MAPK1IP1L: variants seen among roughly 807,000 people sequenced by gnomAD.
MAPK1IP1L encodes mitogen-activated protein kinase 1 interacting protein 1 like.
A neutral mutation model predicts 18.1 loss-of-function variants in MAPK1IP1L; 10 were observed. The observed-to-expected ratio is 0.55, with a 90% CI of 0.34 to 0.94. MAPK1IP1L has a LOEUF of 0.94. Ranked by LOEUF, MAPK1IP1L falls within the 40% of genes least tolerant of loss-of-function variation. MAPK1IP1L has a pLI of 0.02. For synonymous variants in MAPK1IP1L, 115 were observed against 117.3 expected, an observed-to-expected ratio of 0.98 and a Z score of 0.13; for missense variants, 260 against 318.2, an observed-to-expected ratio of 0.82 and a Z score of 1.39.
At chr14:55,055,338 A>G (rs2042762814) in intron 1 of MAPK1IP1L, among the ~76,000 whole-genome samples, 1 of 152,100 alleles carries the variant, frequency 6.6e-6, no homozygotes, top group African/African-American at 2.4e-5. Context: ...GTTCATGTCC[A>G]ACTGTTTTTC....
Position 55,062,885 on chromosome 14 carries a change from C to A in MAPK1IP1L, c.286C>A (p.Pro96Thr), listed in dbSNP as rs527838670. The A allele has an allele frequency of 6.2e-7, 1 of 1,614,024 alleles. No homozygotes were observed. The highest frequency in any genetic ancestry group is 8.5e-7 in the Non-Finnish European group (1 of 1,180,006). ...APFPPSGPSC[P>T]PPGGPYPAPT... ...CTTTCCTCCTTCCGGACCATCATGT[C>A]CCCCACCTGGTGGTCCTTATCCAGC... The change falls in exon 3 of 4, where the codon CCC becomes ACC. Residue 96 changes from proline (P) to threonine (T), a missense_variant. Coordinates refer to ENST00000395468, the MANE Select transcript of MAPK1IP1L (RefSeq NM_144578.4).
chr14:55,061,769 G>C (rs2042819910), intron 2 of MAPK1IP1L, 68 bp downstream of exon 2: 1 of 1,269,348 alleles, frequency 7.9e-7, no homozygotes, highest in African/African-American at 1.5e-5. Flanking sequence ...TCCTAACTGG[G>C]CTACGTAAAT....
chr14:55,064,339 C>T lies in MAPK1IP1L; in HGVS notation c.727-277C>T, dbSNP rs1266307395. On this transcript the variant is annotated intron_variant, in intron 3 of 3. Transcript: ENST00000395468. ...TAACTCTTAGTACGAAAATAACTAG[C>T]CAGATCTCTGATTAGATTAGTCAAA... Among the ~76,000 whole-genome samples, 3 of 151,998 alleles carry T rather than the reference C, an allele frequency of 2.0e-5. 1 individual carries two copies. Among genetic ancestry groups the T allele is most frequent in the Admixed American group, 2.0e-4 (3 of 15,242 alleles).
chr14:55,068,385 A>C lies in MAPK1IP1L; in HGVS notation c.*3758A>C, dbSNP rs2042881617. The C allele has an allele frequency of 6.6e-6, 1 of 152,666 alleles. No individual in the cohort carries two copies. Among genetic ancestry groups the C allele is most frequent in the Admixed American group, 6.5e-5 (1 of 15,282 alleles). 9.5% of individuals were successfully genotyped at this position (152,666 alleles called of 1,614,324 possible). ...TACAGCTTTTGAAACTGTAGATGAA[A>C]AAAGCTCTACTCAGAGTTTTTGTCA... On this transcript the variant is annotated 3_prime_UTR_variant, in exon 4 of 4. Coordinates refer to ENST00000395468, the MANE Select transcript of MAPK1IP1L (RefSeq NM_144578.4).
chr14:55,052,983 TG>T (rs544868761), intron 1 of MAPK1IP1L, among the ~76,000 whole-genome samples: 83 of 152,276 alleles, frequency 5.5e-4, no homozygotes, highest in African/African-American at 2.0e-3. Context: ...CCCAGCAGAG[TG>T]GGGCACCCCA....
rs919422638 is a variant in MAPK1IP1L, at chr14:55,062,545, C to A, written c.19-73C>A. The stretch of plus-strand genomic sequence containing the variant: ...ATCCCTGCCCCTATAGGTTACTATT[C>A]TCTGTGGGTTTATAATGGTGTTCGA... On this transcript the variant is annotated intron_variant, in intron 2 of 3. Coordinates refer to ENST00000395468, the MANE Select transcript of MAPK1IP1L (RefSeq NM_144578.4). 10 of 1,231,736 alleles carry A rather than the reference C, an allele frequency of 8.1e-6. No homozygotes were observed. The African/African-American group carries it at 1.5e-4, about 19-fold the overall frequency. 76.3% of individuals were successfully genotyped at this position (1,231,736 alleles called of 1,614,324 possible). A position where few individuals can be genotyped will look rare whatever the true frequency, so the allele number is the denominator to read the frequency against.
Position 55,066,193 on chromosome 14 carries a change from A to T in MAPK1IP1L, c.*1566A>T, listed in dbSNP as rs935628878. The T allele has an allele frequency of 1.3e-5, 2 of 152,176 alleles. No homozygotes were observed. Among genetic ancestry groups the T allele is most frequent in the East Asian group, 1.9e-4 (1 of 5,200 alleles). The allele number at this position is 152,176 out of a possible 1,614,324, so 9.4% of individuals were successfully genotyped here. ...ATATTTAGTAGTTTATTTCTGCTCT[A>T]ATTAAAATGTCAAGAATGCCAAATG... On this transcript the variant is annotated 3_prime_UTR_variant, in exon 4 of 4. Coordinates refer to ENST00000395468, the MANE Select transcript of MAPK1IP1L (RefSeq NM_144578.4).
chr14:55,059,387 T>G (rs1300735617), intron 1 of MAPK1IP1L, among the ~76,000 whole-genome samples: 1 of 151,976 alleles, frequency 6.6e-6, no homozygotes, highest in Non-Finnish European at 1.5e-5. Flanking sequence ...ATCCCAAGAC[T>G]TTGGGAGGCC....
chr14:55,053,991 C>A (rs2042750656), intron 1 of MAPK1IP1L, among the ~76,000 whole-genome samples: 1 of 151,978 alleles, frequency 6.6e-6, no homozygotes, highest in Non-Finnish European at 1.5e-5. Context: ...AGTTGAGCAT[C>A]CAAAATCCAG....
At chr14:55,057,585 C>G (rs1198471827) in intron 1 of MAPK1IP1L, among the ~76,000 whole-genome samples, 1 of 151,964 alleles carries the variant, frequency 6.6e-6, no homozygotes, top group Non-Finnish European at 1.5e-5. Flanking sequence ...GGTGAAACCC[C>G]GTCTCTACTA....
rs2042752036 is a variant in MAPK1IP1L, at chr14:55,054,158, A to C, written c.-5+2355A>C. On this transcript the variant is annotated intron_variant, in intron 1 of 3. Transcript: ENST00000395468. ...AATACTAAAAACTAGCATGTATTCT[A>C]ATTTATAATTTATATTTTCTTTTTT... Among the ~76,000 whole-genome samples the C allele has an allele frequency of 2.6e-5, 4 of 151,018 alleles. 1 individual carries two copies. In the South Asian group the frequency reaches 8.3e-4, roughly 31 times the overall value.
At chr14:55,061,062 A>T (rs911323610) in intron 1 of MAPK1IP1L, among the ~76,000 whole-genome samples, 5 of 152,130 alleles carry the variant, frequency 3.3e-5, no homozygotes, top group African/African-American at 9.7e-5. Context: ...AGGCAAGAAG[A>T]TGACTTGAGC....
intron 1 of MAPK1IP1L, among the ~76,000 whole-genome samples, chr14:55,053,579 G>A (rs2042747068): frequency 6.6e-6 from 1 of 152,110 alleles, no homozygotes; most frequent in Non-Finnish European, 1.5e-5. Context: ...CAGATGAGCC[G>A]ACTTTTAGTG....
intron 1 of MAPK1IP1L, 30 bp from the exon 2 acceptor site, chr14:55,061,649 CT>C (rs1317678563): frequency 8.7e-6 from 13 of 1,491,614 alleles, no homozygotes; most frequent in Middle Eastern, 2.0e-4. Flanking sequence ...TGAAATTTTT[CT>C]TTCTTCCTTC....
In MAPK1IP1L at chr14:55,062,806, A is replaced by G. The variant is rs1390054863; in HGVS notation, c.207A>G (p.Thr69=). 3.7e-6 allele frequency: 6 copies of G among 1,614,120 alleles called. No homozygotes were observed. The change falls in exon 3 of 4, where the codon ACA becomes ACG. Residue 69 remains threonine, a synonymous_variant. Coordinates refer to ENST00000395468, the MANE Select transcript of MAPK1IP1L (RefSeq NM_144578.4). ...PSTVPFGPAP[T]GMYPSVPPTG... ...CTGTGCCTTTTGGACCAGCACCAAC[A>G]GGAATGTATCCCTCCGTGCCTCCCA...
In MAPK1IP1L at chr14:55,067,691, C is replaced by A. The variant is rs773540934; in HGVS notation, c.*3064C>A. 2 of 152,174 alleles carry A rather than the reference C, an allele frequency of 1.3e-5. No homozygotes were observed. Among genetic ancestry groups the A allele is most frequent in the Non-Finnish European group, 2.9e-5 (2 of 68,032 alleles). The allele number at this position is 152,174 out of a possible 1,614,324, so 9.4% of individuals were successfully genotyped here. On this transcript the variant is annotated 3_prime_UTR_variant, in exon 4 of 4. Transcript: ENST00000395468. Reference sequence around the variant, plus strand: ...GTGCTGAGATTACAGGCGTGAGCCACCATGCGTGACCTTTTTTTCTTTTTA... The same window carrying A: ...GTGCTGAGATTACAGGCGTGAGCCAACATGCGTGACCTTTTTTTCTTTTTA...
rs71131248 is a variant in MAPK1IP1L at position 55,060,154 on chromosome 14, A to ATTTTTTTTTT, written c.-4-1500_-4-1491dup. ...TACAGATAAAAGGAATTTTGGAGAAATTTTTTTTTTTTTTTTTTTTTTTTT... is the reference window on the plus strand; with the variant it reads ...TACAGATAAAAGGAATTTTGGAGAAATTTTTTTTTTTTTTTTTTTTTTTTTTTTTTTTTTT... On this transcript the variant is annotated intron_variant, in intron 1 of 3. Coordinates refer to ENST00000395468, the MANE Select transcript of MAPK1IP1L (RefSeq NM_144578.4). Among the ~76,000 whole-genome samples, 16 of 63,932 alleles carry ATTTTTTTTTT rather than the reference A, an allele frequency of 2.5e-4. 1 individual carries two copies. The highest frequency in any genetic ancestry group is 3.2e-4 in the African/African-American group (5 of 15,604). 41.9% of individuals were successfully genotyped at this position (63,932 alleles called of 152,430 possible).
In MAPK1IP1L at chr14:55,066,535, A is replaced by G. The variant is rs978274003; in HGVS notation, c.*1908A>G. 1 of 152,222 alleles carries G rather than the reference A, an allele frequency of 6.6e-6. No individual in the cohort carries two copies. Among genetic ancestry groups the G allele is most frequent in the East Asian group, 1.9e-4 (1 of 5,200 alleles). 9.4% of individuals were successfully genotyped at this position (152,222 alleles called of 1,614,324 possible). Reference sequence around the variant, plus strand: ...ATCAATATCAAAATGTCAGTTAACCATGGAGGGATAAAGTAATGTGAAAAG... The same window carrying G: ...ATCAATATCAAAATGTCAGTTAACCGTGGAGGGATAAAGTAATGTGAAAAG... On this transcript the variant is annotated 3_prime_UTR_variant, in exon 4 of 4. Transcript: ENST00000395468.
chr14:55,057,102 A>AT (rs1175015658), intron 1 of MAPK1IP1L, among the ~76,000 whole-genome samples: 2 of 152,308 alleles, frequency 1.3e-5, no homozygotes, highest in East Asian at 1.9e-4. Context: ...AAATAATGTA[A>AT]TTTTTTAAAA....
Sources: gnomAD v4.1 joint callset for allele counts (sites outside exome capture counted in the v4.1 genomes callset) on GRCh38, gnomAD v4.1.1 for gene constraint, MANE v1.5 for transcripts, NCBI Gene and HGNC (gene_info 2026-07-23, HGNC 2026-07-21) for gene names.